Variants in PSMD14 observed in about 807,000 individuals in gnomAD.
PSMD14 encodes the protein proteasome 26S subunit, non-ATPase 14.
A neutral mutation model predicts 41.2 loss-of-function variants in PSMD14; 7 were observed. That is an observed-to-expected ratio of 0.17 (90% CI 0.10 to 0.32). PSMD14 has a LOEUF of 0.32. Ranked by LOEUF, PSMD14 falls within the 10% of genes least tolerant of loss-of-function variation. The pLI is 1.00. For missense variants in PSMD14, 139 were observed against 375.6 expected (o/e 0.37, Z 5.21); for synonymous variants, 114 against 122.3 (o/e 0.93, Z 0.45).
chr2:161,400,502 A>C (rs1281072243), intron 10 of PSMD14, among the ~76,000 whole-genome samples: 1 of 152,180 alleles, frequency 6.6e-6, no homozygotes, highest in Non-Finnish European at 1.5e-5. Flanking sequence ...ATCTTTTTTG[A>C]GATGTACAAC....
chr2:161,323,637 T>C (rs1192799219), intron 3 of PSMD14, among the ~76,000 whole-genome samples: 1 of 152,008 alleles, frequency 6.6e-6, no homozygotes, highest in African/African-American at 2.4e-5. Context: ...CACTCCAGCC[T>C]GGGTGACAGA....
chr2:161,333,358 G>A (rs938403825), intron 3 of PSMD14, among the ~76,000 whole-genome samples: 9 of 152,194 alleles, frequency 5.9e-5, no homozygotes, highest in Admixed American at 1.3e-4. Flanking sequence ...CCAAATTCCT[G>A]AAATTTGGCC....
In PSMD14 at chr2:161,404,392, G is replaced by T. The variant is rs144396218; in HGVS notation, c.772-4445G>T. ...TACCAAAAATGTAACTTTATTAAGTGGCCAATCATAAGCACTGTTATTAAC... is the reference window on the plus strand; with the variant it reads ...TACCAAAAATGTAACTTTATTAAGTTGCCAATCATAAGCACTGTTATTAAC... On this transcript the variant is annotated intron_variant, in intron 10 of 11. Transcript: ENST00000409682. Among the ~76,000 whole-genome samples, 1,232 of 152,150 alleles carry T rather than the reference G, an allele frequency of 8.1e-3. 10 individuals carry two copies. The highest frequency in any genetic ancestry group is 0.016 in the South Asian group (79 of 4,814).
intron 3 of PSMD14, among the ~76,000 whole-genome samples, chr2:161,357,102 C>A (rs1574128350): frequency 1.2e-5 from 1 of 82,316 alleles, no homozygotes; most frequent in African/African-American, 5.6e-5. Flanking sequence ...ACTTAGTCAA[C>A]AAGGGCTACC....
intron 9 of PSMD14, 73 bp from the exon 10 acceptor site, chr2:161,395,005 G>GT (rs1206760649): frequency 4.2e-5 from 51 of 1,214,354 alleles, no homozygotes; most frequent in South Asian, 1.1e-4. Flanking sequence ...TTTTTTTGAA[G>GT]TTTTTTTTCT....
At chr2:161,333,313 G>A (rs1559040461) in intron 3 of PSMD14, among the ~76,000 whole-genome samples, 1 of 152,104 alleles carries the variant, frequency 6.6e-6, no homozygotes, top group Non-Finnish European at 1.5e-5. Flanking sequence ...TTTTCCCTTG[G>A]TAGGACTGTA....
intron 5 of PSMD14, among the ~76,000 whole-genome samples, chr2:161,368,510 G>A (rs970041823): frequency 2.6e-5 from 4 of 151,858 alleles, no homozygotes; most frequent in African/African-American, 9.7e-5. Context: ...TGTTTGTTTT[G>A]TTTTGCCTTT....
intron 3 of PSMD14, among the ~76,000 whole-genome samples, chr2:161,321,931 G>C (rs1013114346): frequency 5.3e-5 from 8 of 152,086 alleles, no homozygotes; most frequent in African/African-American, 1.9e-4. Context: ...ATTGGGACTC[G>C]GCATACATGA....
intron 3 of PSMD14, among the ~76,000 whole-genome samples, chr2:161,338,046 G>C (rs1397837452): frequency 6.6e-6 from 1 of 152,102 alleles, no homozygotes; most frequent in African/African-American, 2.4e-5. Flanking sequence ...AAAATGATGA[G>C]AAAATCTAAA....
intron 3 of PSMD14, among the ~76,000 whole-genome samples, chr2:161,366,076 A>G (rs1683353315): frequency 6.6e-6 from 1 of 152,196 alleles, no homozygotes; most frequent in South Asian, 2.1e-4. Flanking sequence ...GACTTCAGCA[A>G]GATGCTTTGG....
At chr2:161,359,465 G>A (rs1003899378) in intron 3 of PSMD14, among the ~76,000 whole-genome samples, 5 of 151,844 alleles carry the variant, frequency 3.3e-5, no homozygotes, top group Non-Finnish European at 7.4e-5. Flanking sequence ...ATTTCCCACA[G>A]CTTTTAATAA....
intron 3 of PSMD14, among the ~76,000 whole-genome samples, chr2:161,335,710 C>T (rs1682859374): frequency 6.6e-6 from 1 of 152,222 alleles, no homozygotes. Context: ...ATTTCACATG[C>T]ATTTTCCCAG....
chr2:161,325,259 C>T (rs570326015), intron 3 of PSMD14, among the ~76,000 whole-genome samples: 1 of 152,016 alleles, frequency 6.6e-6, no homozygotes, highest in Non-Finnish European at 1.5e-5. Context: ...AGAAGGCTTC[C>T]TGAATGTGGT....
intron 3 of PSMD14, among the ~76,000 whole-genome samples, chr2:161,327,985 A>T (rs11896707): frequency 0.69 from 89,403 of 130,348 alleles, 28,695 homozygotes; most frequent in Non-Finnish European, 0.74. Context: ...TGTGTGTGTG[A>T]GATGTTGGTT....
At chr2:161,335,741 G>A (rs544124903) in intron 3 of PSMD14, among the ~76,000 whole-genome samples, 1 of 152,288 alleles carries the variant, frequency 6.6e-6, no homozygotes, top group Non-Finnish European at 1.5e-5. Context: ...CCTAGGAGTG[G>A]AATTACTGTG....
At chr2:161,373,447 T>C (rs1559049690) in intron 7 of PSMD14, among the ~76,000 whole-genome samples, 1 of 151,916 alleles carries the variant, frequency 6.6e-6, no homozygotes. Flanking sequence ...CAGAGTTTGA[T>C]TGTAATTTAT....
intron 8 of PSMD14, among the ~76,000 whole-genome samples, chr2:161,390,833 A>C (rs1683701216): frequency 1.3e-5 from 2 of 152,242 alleles, no homozygotes; most frequent in Admixed American, 1.3e-4. Context: ...ATAAGATCAA[A>C]CCTTATCTCT....
chr2:161,379,271 GAT>G (rs1173489257), intron 7 of PSMD14, among the ~76,000 whole-genome samples: 16 of 152,104 alleles, frequency 1.1e-4, no homozygotes, highest in Non-Finnish European at 1.5e-5. Context: ...ACCCATAGGT[GAT>G]AGTCTCTTGT....
chr2:161,389,912 T>TTA (rs1299369817), intron 8 of PSMD14, among the ~76,000 whole-genome samples: 4 of 130,288 alleles, frequency 3.1e-5, no homozygotes, highest in African/African-American at 1.3e-4. Flanking sequence ...TTTTTTTTTT[T>TTA]AGAGATGGGG....
Sources: allele counts gnomAD v4.1 joint callset (sites outside exome capture counted in the v4.1 genomes callset), GRCh38; gene constraint gnomAD v4.1.1; transcripts MANE v1.5; gene names NCBI Gene and HGNC (gene_info 2026-07-23, HGNC 2026-07-21).